Variants in PTPN21 observed in about 807,000 individuals in gnomAD.
PTPN21 encodes protein tyrosine phosphatase non-receptor type 21, also known as tyrosine-protein phosphatase non-receptor type 21.
In PTPN21, 77 loss-of-function variants were observed where a neutral mutation model predicts 131.8. The observed-to-expected ratio is 0.58, with a 90% CI of 0.49 to 0.71. The LOEUF (loss-of-function observed/expected upper bound fraction) is 0.71, where lower values mean the gene tolerates loss of function less well. Among genes scored for constraint, PTPN21 ranks in the 30% least tolerant of loss-of-function variants. The probability of loss-of-function intolerance (pLI) is 0.00; values close to 1 mark genes in which losing one functional copy is unlikely to be tolerated. For synonymous variants in PTPN21, 715 were observed against 621.3 expected (o/e 1.15, Z -2.24); for missense variants, 1,552 against 1,527.1 (o/e 1.02, Z -0.27).
At chr14:88,549,585 G>A (rs976717876) in intron 2 of PTPN21, among the ~76,000 whole-genome samples, 1 of 151,918 alleles carries the variant, frequency 6.6e-6, no homozygotes, top group Non-Finnish European at 1.5e-5. Context: ...GGCCAGAGAA[G>A]CCTGTCGTGT....
chr14:88,495,780 C>G (rs2077904357), intron 10 of PTPN21, among the ~76,000 whole-genome samples: 1 of 152,142 alleles, frequency 6.6e-6, no homozygotes, highest in Non-Finnish European at 1.5e-5. Context: ...AGGATCAGTA[C>G]TGCGGAGCGG....
At chr14:88,541,032 G>C (rs1366597515) in intron 2 of PTPN21, among the ~76,000 whole-genome samples, 1 of 152,114 alleles carries the variant, frequency 6.6e-6, no homozygotes, top group Non-Finnish European at 1.5e-5. Flanking sequence ...TTCTTAGCCT[G>C]AGTAGGCAAA....
At chr14:88,493,042 G>A (rs1480252998) in intron 10 of PTPN21, 1 of 456,066 alleles carries the variant, frequency 2.2e-6, no homozygotes, top group Non-Finnish European at 4.4e-6. Context: ...TAAGAGCACA[G>A]GCTCGAGTCT....
chr14:88,468,470 T>G (rs1288184908), intron 18 of PTPN21, among the ~76,000 whole-genome samples: 1 of 152,202 alleles, frequency 6.6e-6, no homozygotes, highest in African/African-American at 2.4e-5. Flanking sequence ...ATGCAGACTA[T>G]TTCTTCAACA....
At chr14:88,503,963 A>G (rs1270283211) in intron 6 of PTPN21, 1 of 157,400 alleles carries the variant, frequency 6.4e-6, no homozygotes, top group African/African-American at 2.4e-5. Context: ...AATAAGCACC[A>G]TAGCTCTTAG....
chr14:88,522,841 T>G (rs2078416783), intron 2 of PTPN21, among the ~76,000 whole-genome samples: 4 of 152,128 alleles, frequency 2.6e-5, no homozygotes, highest in Admixed American at 1.3e-4. Context: ...TTCCATGAGA[T>G]TTTATGACTA....
intron 3 of PTPN21, 109 bp from the exon 4 acceptor site, chr14:88,508,129 T>C (rs1195100362): frequency 2.9e-5 from 16 of 550,324 alleles, no homozygotes; most frequent in Non-Finnish European, 4.3e-5. Context: ...AATAAAACCT[T>C]AATCCCACAT....
Position 88,521,516 on chromosome 14 carries a change from C to A in PTPN21, c.181-4255G>T, listed in dbSNP as rs960929292. 3.3e-5 allele frequency among the ~76,000 whole-genome samples: 5 copies of A among 151,940 alleles called. No homozygotes were observed. The East Asian group carries it at 9.7e-4, about 29-fold the overall frequency. ...CTTCCAGTTTCAAGCGCTTCTCCTG[C>A]CTCAGCCTCCCAAGTAGCTAGGATT... is the stretch of plus-strand genomic sequence containing the variant. On this transcript the variant is annotated intron_variant, in intron 2 of 18. Transcript: ENST00000556564.
At chr14:88,516,497 C>CT (rs1456651829) in intron 3 of PTPN21, among the ~76,000 whole-genome samples, 5 of 152,078 alleles carry the variant, frequency 3.3e-5, no homozygotes, top group Non-Finnish European at 7.4e-5. Context: ...AATTTTATTC[C>CT]TTTTTTCATT....
At chr14:88,477,044 A>G (rs1374966480) in intron 13 of PTPN21, among the ~76,000 whole-genome samples, 1 of 152,112 alleles carries the variant, frequency 6.6e-6, no homozygotes, top group Non-Finnish European at 1.5e-5. Context: ...TCTTAATGCA[A>G]TGGGAAGGGT....
At position 88,469,565 on chromosome 14, in the gene PTPN21, C is replaced by T. The variant is rs781009004; in HGVS notation, c.3169G>A (p.Val1057Ile). The T allele has an allele frequency of 7.4e-6, 12 of 1,614,028 alleles. No individual in the cohort carries two copies. Among genetic ancestry groups the T allele is most frequent in the Admixed American group, 6.7e-5 (4 of 59,996 alleles). Residue 1057 changes from valine (V) to isoleucine (I), a missense_variant, in exon 17 of 19, where the codon GTC becomes ATC. Val to Ile is a conservative substitution (Grantham distance 29). This residue lies in a region of PTPN21 where 316 missense variants were observed against 378.5 expected (regional missense o/e 0.83). Coordinates refer to ENST00000556564, the MANE Select transcript of PTPN21 (RefSeq NM_007039.4). The surrounding 1 kb of genome is among the most constrained non-coding windows in gnomAD (Gnocchi z 4.3). ...CAGTCTGTGTATTGGAGGTGCCAGA[C>T]GGTCCTCTCTTGCCCAGTAAGGAGG... The part of the protein sequence containing the change: ...KHLLTGQERT[V>I]WHLQYTDWPE...
intron 2 of PTPN21, among the ~76,000 whole-genome samples, chr14:88,521,207 A>G (rs1383281823): frequency 1.3e-5 from 2 of 152,118 alleles, no homozygotes; most frequent in African/African-American, 2.4e-5. Context: ...AACAAAATCA[A>G]TTACTGACTC....
chr14:88,524,542 T>C (rs971256571), intron 2 of PTPN21, among the ~76,000 whole-genome samples: 4 of 152,164 alleles, frequency 2.6e-5, no homozygotes, highest in African/African-American at 9.7e-5. Flanking sequence ...ATCTTGAATT[T>C]GGGAATAAAT....
At position 88,465,954 on chromosome 14, in the gene PTPN21, T is replaced by C. The variant is rs1000334485; in HGVS notation, c.*2183A>G. ...CAAATTATTACAACAGGAACACAAA[T>C]AGACCACATATTACTCTTTAATTAG... is the stretch of plus-strand genomic sequence containing the variant. On this transcript the variant is annotated 3_prime_UTR_variant, in exon 19 of 19. Transcript: ENST00000556564. 1.3e-5 allele frequency: 2 copies of C among 150,798 alleles called. No homozygotes were observed. Among genetic ancestry groups the C allele is most frequent in the Non-Finnish European group, 2.9e-5 (2 of 68,022 alleles). 9.3% of individuals were successfully genotyped at this position (150,798 alleles called of 1,614,324 possible).
At position 88,472,422 on chromosome 14, in the gene PTPN21, G is replaced by A. The variant is rs1178935235; in HGVS notation, c.2693C>T (p.Thr898Ile). The A allele has an allele frequency of 6.2e-7, 1 of 1,613,702 alleles. No homozygotes were observed. Among genetic ancestry groups the A allele is most frequent in the African/African-American group, 1.3e-5 (1 of 74,914 alleles). ...EQRLEQGMVF[T>I]EYERILKKRL... ...TTTCTTAAGAATTCTTTCATATTCT[G>A]TGAATACCATTCCTTGTTCTAATCG... is the stretch of plus-strand genomic sequence containing the variant. Residue 898 changes from threonine to isoleucine, a missense_variant, in exon 15 of 19, where the codon ACA (threonine) becomes ATA (isoleucine). Physicochemically the swap from Thr to Ile is moderately conservative, Grantham distance 89 (BLOSUM62 -1). This residue lies in a region of PTPN21 where 316 missense variants were observed against 378.5 expected (regional missense o/e 0.83). Coordinates refer to ENST00000556564, the MANE Select transcript of PTPN21 (RefSeq NM_007039.4).
chr14:88,484,199 C>A (rs1055795986), intron 12 of PTPN21, among the ~76,000 whole-genome samples: 21 of 147,426 alleles, frequency 1.4e-4, no homozygotes, highest in African/African-American at 5.4e-4. Context: ...AGGTGCATAC[C>A]ACTACGCCCA....
chr14:88,479,393 C>G lies in PTPN21; in HGVS notation c.2038G>C (p.Glu680Gln). 6.2e-7 allele frequency: 1 copy of G among 1,605,354 alleles called. No individual in the cohort carries two copies. Among genetic ancestry groups the G allele is most frequent in the Non-Finnish European group, 8.5e-7 (1 of 1,179,208 alleles). The change falls in exon 13 of 19, where the codon GAG (glutamate) becomes CAG (glutamine). Residue 680 changes from glutamate (E) to glutamine (Q), a missense_variant. Glu to Gln is a conservative substitution (Grantham distance 29, BLOSUM62 2). Coordinates refer to ENST00000556564, the MANE Select transcript of PTPN21 (RefSeq NM_007039.4). ...TCCGGCCCTTCTCGCTGTGTCCTCT[C>G]GGTGAAAACGCTGGGCTGGGAGCCC... The part of the protein sequence containing the change: ...SVGSQPSVFT[E>Q]RTQREGPEEA...
intron 2 of PTPN21, among the ~76,000 whole-genome samples, chr14:88,546,647 C>G (rs1025608835): frequency 1.3e-5 from 2 of 151,786 alleles, no homozygotes; most frequent in Admixed American, 6.6e-5. Context: ...GGACTTTTCC[C>G]TCCATTTATA....
At chr14:88,503,896 T>A (rs2139278839) in intron 6 of PTPN21, 1 of 152,628 alleles carries the variant, frequency 6.6e-6, no homozygotes, top group Admixed American at 6.5e-5. Flanking sequence ...AGATTCATCA[T>A]GAAAGAACGT....
Sources: gnomAD v4.1 joint callset for allele counts (sites outside exome capture counted in the v4.1 genomes callset) on GRCh38, gnomAD v4.1.1 for gene constraint, gnomAD v4.1.1 regional missense constraint, Gnocchi (gnomAD v3.1) non-coding constraint, MANE v1.5 for transcripts, NCBI Gene and HGNC (gene_info 2026-07-23, HGNC 2026-07-21) for gene names.